IMPA2: variants seen among roughly 807,000 people sequenced by gnomAD.
IMPA2 encodes IMP 2.
IMPA2 carries 32 observed loss-of-function variants against 35.1 expected under a neutral mutation model. The observed-to-expected ratio is 0.91, with a 90% confidence interval of 0.69 to 1.23. IMPA2 has a LOEUF of 1.23. Ranked by LOEUF, IMPA2 falls within the 50% of genes most tolerant of loss-of-function variation. The probability of loss-of-function intolerance (pLI) is 0.00; values close to 1 mark genes in which losing one functional copy is unlikely to be tolerated. For synonymous variants in IMPA2, 135 were observed against 160.6 expected (o/e 0.84, Z 1.20); for missense variants, 334 against 387.6 (o/e 0.86, Z 1.16).
intron 5 of IMPA2, among the ~76,000 whole-genome samples, chr18:12,014,582 C>T (rs1012855844): frequency 2.0e-5 from 3 of 152,028 alleles, no homozygotes; most frequent in Admixed American, 6.6e-5. Context: ...TTTAAATAAC[C>T]TCATTCTGCT....
intron 2 of IMPA2, among the ~76,000 whole-genome samples, chr18:12,001,928 T>C (rs752897112): frequency 3.3e-5 from 5 of 152,210 alleles, no homozygotes; most frequent in Non-Finnish European, 4.4e-5. Flanking sequence ...CCAGTCTGTG[T>C]GTCACCCCCA....
At chr18:12,000,965 C>T (rs1013486002) in intron 2 of IMPA2, among the ~76,000 whole-genome samples, 1 of 150,812 alleles carries the variant, frequency 6.6e-6, no homozygotes, top group Non-Finnish European at 1.5e-5. Flanking sequence ...TTTAGGGTGG[C>T]TCACACCTGT....
At chr18:12,008,949 T>C (rs1907356442) in intron 2 of IMPA2, among the ~76,000 whole-genome samples, 2 of 152,100 alleles carry the variant, frequency 1.3e-5, no homozygotes, top group South Asian at 4.1e-4. Flanking sequence ...CCCATGTCCC[T>C]CTAGCAGGAA....
chr18:12,014,455 C>A, intron 5 of IMPA2, 82 bp downstream of exon 5: 1 of 822,558 alleles, frequency 1.2e-6, no homozygotes, highest in South Asian at 1.8e-5. Context: ...TGATGTGGGA[C>A]GGTGGTGGAG....
intron 1 of IMPA2, among the ~76,000 whole-genome samples, chr18:11,983,575 C>G (rs1274130821): frequency 6.6e-6 from 1 of 152,160 alleles, no homozygotes; most frequent in Non-Finnish European, 1.5e-5. Context: ...GCTCCTATGA[C>G]TTTTAACTTA....
chr18:11,995,376 T>G (rs1032109483), intron 1 of IMPA2, among the ~76,000 whole-genome samples: 1 of 152,238 alleles, frequency 6.6e-6, no homozygotes, highest in Non-Finnish European at 1.5e-5. Flanking sequence ...TCCCATCCTC[T>G]GGGGCAGAAC....
intron 5 of IMPA2, among the ~76,000 whole-genome samples, chr18:12,019,307 T>C (rs1907664657): frequency 6.6e-6 from 1 of 151,836 alleles, no homozygotes; most frequent in Non-Finnish European, 1.5e-5. Context: ...CAGGCTGGGG[T>C]GCAATGGTGT....
At chr18:11,983,760 G>A (rs1906575006) in intron 1 of IMPA2, among the ~76,000 whole-genome samples, 1 of 152,110 alleles carries the variant, frequency 6.6e-6, no homozygotes, top group African/African-American at 2.4e-5. Flanking sequence ...AGTGCTGAGG[G>A]AATGGCCTGA....
rs899692207 is a variant in IMPA2, at chr18:11,981,704, C to A, written c.35C>A (p.Ala12Glu). The A allele has an allele frequency of 4.4e-5, 54 of 1,230,494 alleles. No individual in the cohort carries two copies. The highest frequency in any genetic ancestry group is 5.5e-5 in the Non-Finnish European group (54 of 986,988). The allele number at this position is 1,230,494 out of a possible 1,614,324, so 76.2% of individuals were successfully genotyped here. ...AGCGGCGAGGACCAGGCGGCGCTGGCGGCCGGCCCCTGGGAGGAGTGCTTC... is the reference window on the plus strand; with the variant it reads ...AGCGGCGAGGACCAGGCGGCGCTGGAGGCCGGCCCCTGGGAGGAGTGCTTC... Reference protein sequence around the residue: ...KPSGEDQAALAAGPWEECFQA... With the variant: ...KPSGEDQAALEAGPWEECFQA... The change falls in exon 1 of 8, where the codon GCG becomes GAG. Residue 12 changes from alanine to glutamate, a missense_variant. Coordinates refer to ENST00000269159, the MANE Select transcript of IMPA2 (RefSeq NM_014214.3).
chr18:12,027,894 T>G lies in IMPA2; in HGVS notation c.491-149T>G, dbSNP rs116007387. On this transcript the variant is annotated intron_variant, in intron 5 of 7. Transcript: ENST00000269159. ...ACTGTGCCCGGTCCATCCTTAGTTT[T>G]CAACATAGATATCAAAAAAGCATTC... The G allele has an allele frequency of 5.4e-3, 3,214 of 592,164 alleles. 59 individuals carry two copies. Among genetic ancestry groups the G allele is most frequent in the African/African-American group, 0.047 (2,505 of 53,844 alleles). 36.7% of individuals were successfully genotyped at this position (592,164 alleles called of 1,614,324 possible). A position where few individuals can be genotyped will look rare whatever the true frequency, so the allele number is the denominator to read the frequency against.
chr18:12,027,663 A>C (rs1598707351), intron 5 of IMPA2, among the ~76,000 whole-genome samples: 1 of 145,812 alleles, frequency 6.9e-6, no homozygotes, highest in Non-Finnish European at 1.5e-5. Context: ...GCAGCCTTGA[A>C]CCCCTGGGCT....
At chr18:12,029,183 G>A (rs999577907) in intron 7 of IMPA2, among the ~76,000 whole-genome samples, 190 bp downstream of exon 7, 1 of 139,530 alleles carries the variant, frequency 7.2e-6, no homozygotes, top group Admixed American at 7.9e-5. Context: ...GTACAATCTC[G>A]GCTCACTGCA....
intron 1 of IMPA2, among the ~76,000 whole-genome samples, chr18:11,987,359 C>T (rs1906695827): frequency 6.6e-6 from 1 of 152,190 alleles, no homozygotes; most frequent in South Asian, 2.1e-4. Context: ...GAGACGACGT[C>T]TAGCTCTCTC....
Position 12,001,433 on chromosome 18 carries a change from A to T in IMPA2, c.230+2246A>T, listed in dbSNP as rs908214008. Among the ~76,000 whole-genome samples, 7 of 151,984 alleles carry T rather than the reference A, an allele frequency of 4.6e-5. No individual in the cohort carries two copies. In the South Asian group the frequency reaches 1.2e-3, roughly 27 times the overall value. On this transcript the variant is annotated intron_variant, in intron 2 of 7. Coordinates refer to ENST00000269159, the MANE Select transcript of IMPA2 (RefSeq NM_014214.3). ...CTGGCTCATCTGCGTGGGGTCTGGTAAAGGCTTGGAGGAGATGCAGGATCA... is the reference window on the plus strand; with the variant it reads ...CTGGCTCATCTGCGTGGGGTCTGGTTAAGGCTTGGAGGAGATGCAGGATCA...
At chr18:12,025,414 T>G (rs569113345) in intron 5 of IMPA2, among the ~76,000 whole-genome samples, 4 of 152,314 alleles carry the variant, frequency 2.6e-5, no homozygotes, top group African/African-American at 9.6e-5. Flanking sequence ...GACGGTATGG[T>G]AAGAGTATGT....
intron 1 of IMPA2, among the ~76,000 whole-genome samples, chr18:11,993,251 G>T (rs1315182850): frequency 6.6e-6 from 1 of 152,202 alleles, no homozygotes; most frequent in Admixed American, 6.5e-5. Flanking sequence ...TCTGATTCTG[G>T]AGTGTACTTT....
rs541450893 is a variant in IMPA2, at chr18:12,020,078, G to A, written c.490+5705G>A. Among the ~76,000 whole-genome samples, 192 of 151,858 alleles carry A rather than the reference G, an allele frequency of 1.3e-3. 2 individuals are homozygous for A. The highest frequency in any genetic ancestry group is 4.5e-3 in the African/African-American group (185 of 41,394). On this transcript the variant is annotated intron_variant, in intron 5 of 7. Coordinates refer to ENST00000269159, the MANE Select transcript of IMPA2 (RefSeq NM_014214.3). The stretch of plus-strand genomic sequence containing the variant: ...TTTAGTAAAGACAGGATTTCACCAT[G>A]TTGGCCAGGCTTGTCTCAAACTCCT...
chr18:12,006,669 A>G (rs1006345995), intron 2 of IMPA2, among the ~76,000 whole-genome samples: 1 of 152,174 alleles, frequency 6.6e-6, no homozygotes. Context: ...GTATGCGTGC[A>G]CTTGTCGTAT....
Position 12,010,169 on chromosome 18 carries a change from G to A in IMPA2, c.335+182G>A. The A allele has an allele frequency of 1.9e-6, 1 of 525,308 alleles. No homozygotes were observed. Among genetic ancestry groups the A allele is most frequent in the South Asian group, 2.7e-5 (1 of 37,012 alleles). The allele number at this position is 525,308 out of a possible 1,614,324, so 32.5% of individuals were successfully genotyped here. On this transcript the variant is annotated intron_variant, in intron 3 of 7. Transcript: ENST00000269159. This position sits in a 1 kb window ranked among gnomAD's most constrained non-coding sequence, Gnocchi z 4.8. The stretch of plus-strand genomic sequence containing the variant: ...TTTTAAAATAAGGTTTTCCGTTTGT[G>A]AGAGGCTCTTGGAGTATGTTAGGAA...
Sources: allele counts gnomAD v4.1 joint callset (sites outside exome capture counted in the v4.1 genomes callset), GRCh38; gene constraint gnomAD v4.1.1; non-coding constraint Gnocchi (gnomAD v3.1); transcripts MANE v1.5; gene names NCBI Gene and HGNC (gene_info 2026-07-23, HGNC 2026-07-21).